The following CNTN5 variants were observed in gnomAD, a reference collection of about 807,000 sequenced individuals.
CNTN5 encodes contactin-5.
Under a neutral mutation model 129.1 loss-of-function variants are expected in CNTN5, and 77 were observed. That is an observed-to-expected ratio of 0.60 (90% CI 0.50 to 0.72). CNTN5 has a LOEUF of 0.72. Among genes scored for constraint, CNTN5 ranks in the 30% least tolerant of loss-of-function variants. The probability of loss-of-function intolerance (pLI) is 0.00; values close to 1 mark genes in which losing one functional copy is unlikely to be tolerated. For synonymous variants in CNTN5, 509 were observed against 465.6 expected (o/e 1.09, Z -1.20); for missense variants, 1,478 against 1,328.8 (o/e 1.11, Z -1.75).
chr11:99,791,514 A>G (rs1346592933), intron 3 of CNTN5, among the ~76,000 whole-genome samples: 1 of 151,842 alleles, frequency 6.6e-6, no homozygotes, highest in East Asian at 1.9e-4. Context: ...GTGTGTATTT[A>G]TAACAGTAGC....
intron 3 of CNTN5, among the ~76,000 whole-genome samples, chr11:99,769,908 A>G (rs899454142): frequency 3.3e-5 from 5 of 151,992 alleles, no homozygotes; most frequent in Non-Finnish European, 1.5e-5. Flanking sequence ...AACTCTTGTC[A>G]ACTATTGCAA....
intron 21 of CNTN5, chr11:100,337,214 C>T: frequency 6.5e-7 from 1 of 1,541,764 alleles, no homozygotes; most frequent in South Asian, 1.1e-5. Flanking sequence ...ACTGTAGTTC[C>T]TCCAGAAACA....
intron 3 of CNTN5, among the ~76,000 whole-genome samples, chr11:99,588,636 T>C (rs1949883700): frequency 6.6e-6 from 1 of 152,130 alleles, no homozygotes; most frequent in African/African-American, 2.4e-5. Flanking sequence ...TCCATTTTAT[T>C]TAATACGTTA....
intron 1 of CNTN5, among the ~76,000 whole-genome samples, chr11:99,153,217 A>G (rs1860159457): frequency 6.6e-6 from 1 of 152,200 alleles, no homozygotes; most frequent in Admixed American, 6.5e-5. Flanking sequence ...AATTTTCATG[A>G]ATGATATCCC....
intron 3 of CNTN5, among the ~76,000 whole-genome samples, chr11:99,619,001 A>G (rs1368058859): frequency 6.6e-6 from 1 of 152,334 alleles, no homozygotes; most frequent in East Asian, 1.9e-4. Context: ...ATGCACATCT[A>G]GATCATGTAG....
At chr11:100,056,946 TAAATA>T (rs1331868287) in intron 9 of CNTN5, among the ~76,000 whole-genome samples, 1 of 151,672 alleles carries the variant, frequency 6.6e-6, no homozygotes, top group East Asian at 1.9e-4. Context: ...ACTTTTATCA[TAAATA>T]AAATATACTT....
intron 1 of CNTN5, among the ~76,000 whole-genome samples, chr11:99,197,814 C>T (rs1030295153): frequency 6.6e-6 from 1 of 152,018 alleles, no homozygotes; most frequent in Non-Finnish European, 1.5e-5. Flanking sequence ...CAAGGATTAA[C>T]TTGTTTGATT....
intron 3 of CNTN5, among the ~76,000 whole-genome samples, chr11:99,596,995 A>G (rs648519): frequency 0.25 from 38,078 of 152,086 alleles, 5,016 homozygotes; most frequent in Middle Eastern, 0.35. Flanking sequence ...AATGATCAGC[A>G]CTTAGTTTTT....
At chr11:100,000,277 G>A (rs1032367031) in intron 8 of CNTN5, among the ~76,000 whole-genome samples, 3 of 152,152 alleles carry the variant, frequency 2.0e-5, no homozygotes, top group African/African-American at 7.2e-5. Flanking sequence ...TTACTTCCAA[G>A]ATACAGGCAT....
intron 2 of CNTN5, among the ~76,000 whole-genome samples, chr11:99,480,421 C>G (rs1945547658): frequency 6.6e-6 from 1 of 152,028 alleles, no homozygotes; most frequent in Admixed American, 6.6e-5. Flanking sequence ...GGACCTGTTT[C>G]CTTATCTGTA....
intron 1 of CNTN5, among the ~76,000 whole-genome samples, chr11:99,199,278 G>A (rs1005196986): frequency 6.6e-6 from 1 of 152,144 alleles, no homozygotes; most frequent in African/African-American, 2.4e-5. Flanking sequence ...TGGGAGCTAG[G>A]ATTAAGTTGG....
At chr11:100,207,180 G>A (rs1948933878) in intron 15 of CNTN5, among the ~76,000 whole-genome samples, 1 of 152,060 alleles carries the variant, frequency 6.6e-6, no homozygotes, top group African/African-American at 2.4e-5. Flanking sequence ...AAGCTTTATA[G>A]TATTCAGATA....
At chr11:99,264,411 G>A (rs556761588) in intron 1 of CNTN5, among the ~76,000 whole-genome samples, 2 of 152,032 alleles carry the variant, frequency 1.3e-5, no homozygotes, top group South Asian at 4.1e-4. Flanking sequence ...TACAAACATA[G>A]ATTTTATGGG....
chr11:100,114,035 G>A (rs1333546205), intron 13 of CNTN5, among the ~76,000 whole-genome samples: 1 of 152,006 alleles, frequency 6.6e-6, no homozygotes, highest in Non-Finnish European at 1.5e-5. Context: ...GTTTGGAACT[G>A]CCATCCATGT....
At chr11:99,825,940 T>G (rs1946942185) in intron 4 of CNTN5, among the ~76,000 whole-genome samples, 1 of 152,162 alleles carries the variant, frequency 6.6e-6, no homozygotes, top group African/African-American at 2.4e-5. Flanking sequence ...ATACAACATC[T>G]TTCTTTTCAA....
At chr11:99,344,020 A>G (rs1031612112) in intron 2 of CNTN5, among the ~76,000 whole-genome samples, 3 of 152,254 alleles carry the variant, frequency 2.0e-5, no homozygotes, top group Non-Finnish European at 2.9e-5. Context: ...CTTCTCATAT[A>G]GAGATAATAC....
At chr11:100,066,031 C>A (rs979754155) in intron 10 of CNTN5, among the ~76,000 whole-genome samples, 1 of 151,868 alleles carries the variant, frequency 6.6e-6, no homozygotes, top group African/African-American at 2.4e-5. Context: ...AAAATTCTTG[C>A]CTTGAATTCT....
At chr11:99,733,653 G>C (rs1943608606) in intron 3 of CNTN5, among the ~76,000 whole-genome samples, 1 of 152,146 alleles carries the variant, frequency 6.6e-6, no homozygotes, top group South Asian at 2.1e-4. Flanking sequence ...AGGTGCTGTA[G>C]TTGTATTGAA....
chr11:99,640,870 T>C (rs617428), intron 3 of CNTN5, among the ~76,000 whole-genome samples: 91,240 of 151,950 alleles, frequency 0.6, 28,219 homozygotes, highest in Admixed American at 0.69. Context: ...TAAGATGCAG[T>C]GTCAGCTATT....
Sources: allele counts gnomAD v4.1 joint callset (sites outside exome capture counted in the v4.1 genomes callset), GRCh38; gene constraint gnomAD v4.1.1; transcripts MANE v1.5; gene names NCBI Gene and HGNC (gene_info 2026-07-23, HGNC 2026-07-21).